PDE1C: variants seen among roughly 807,000 people sequenced by gnomAD.
PDE1C encodes the protein phosphodiesterase 1C, also known as dual specificity calcium/calmodulin-dependent 3',5'-cyclic nucleotide phosphodiesterase 1C.
A neutral mutation model predicts 93.1 loss-of-function variants in PDE1C; 62 were observed. The observed-to-expected ratio is 0.67, with a 90% CI of 0.54 to 0.82. PDE1C has a LOEUF of 0.82. PDE1C is among the 40% of genes least tolerant of loss of function. The pLI is 0.00. For synonymous variants in PDE1C, 325 were observed against 310.1 expected (o/e 1.05, Z -0.50); for missense variants, 742 against 884.6 (o/e 0.84, Z 2.04).
At chr7:32,321,683 T>C (rs1783293565) in intron 1 of PDE1C, among the ~76,000 whole-genome samples, 1 of 152,248 alleles carries the variant, frequency 6.6e-6, no homozygotes, top group Non-Finnish European at 1.5e-5. Flanking sequence ...TAACTTGAGA[T>C]GTAATCAGCT....
intron 2 of PDE1C, among the ~76,000 whole-genome samples, chr7:32,045,332 C>T (rs960467421): frequency 6.6e-6 from 1 of 152,086 alleles, no homozygotes; most frequent in African/African-American, 2.4e-5. Flanking sequence ...AACCAGACCA[C>T]TGTGGCTGCT....
At chr7:31,617,294 TG>T in the PDE1C span, among the ~76,000 whole-genome samples, 1 of 152,032 alleles carries the variant, frequency 6.6e-6, no homozygotes, top group East Asian at 1.9e-4. Flanking sequence ...TTAATATAAA[TG>T]GGTTTCTCAA....
At chr7:32,168,946 G>A (rs1174494680) in intron 3 of PDE1C, among the ~76,000 whole-genome samples, 5 of 152,162 alleles carry the variant, frequency 3.3e-5, no homozygotes, top group South Asian at 2.1e-4. Context: ...AGGTTTATAT[G>A]TTCTGCTAAC....
chr7:32,238,136 G>C (rs952056090), intron 1 of PDE1C, among the ~76,000 whole-genome samples: 8 of 152,070 alleles, frequency 5.3e-5, no homozygotes, highest in Non-Finnish European at 8.8e-5. Context: ...ATTAATAAGA[G>C]AGTTAAGCAA....
chr7:32,175,598 G>C (rs1802932960), intron 2 of PDE1C, among the ~76,000 whole-genome samples: 1 of 152,160 alleles, frequency 6.6e-6, no homozygotes, highest in African/African-American at 2.4e-5. Context: ...AAGAAGCTTT[G>C]AAGAGGCAGA....
intron 3 of PDE1C, among the ~76,000 whole-genome samples, chr7:32,132,890 T>C (rs1031186584): frequency 2.0e-5 from 3 of 152,242 alleles, no homozygotes; most frequent in Non-Finnish European, 2.9e-5. Flanking sequence ...GATGTGGGAT[T>C]TGTGATAAAA....
intron 2 of PDE1C, among the ~76,000 whole-genome samples, chr7:31,967,023 G>C (rs979946516): frequency 4.7e-4 from 72 of 152,028 alleles, no homozygotes; most frequent in Non-Finnish European, 8.7e-4. Flanking sequence ...ATCCAAAATT[G>C]ACACCCTAAC....
intron 17 of PDE1C, among the ~76,000 whole-genome samples, chr7:31,755,521 T>C (rs1055755777): frequency 3.3e-5 from 5 of 151,574 alleles, no homozygotes; most frequent in South Asian, 4.2e-4. Context: ...GGACACAAAA[T>C]ATACAAGAAG....
Position 31,939,020 on chromosome 7 carries a change from A to G in PDE1C, c.129-58160T>C, listed in dbSNP as rs185812661. Among the ~76,000 whole-genome samples, 726 of 152,306 alleles carry G rather than the reference A, an allele frequency of 4.8e-3. 3 individuals carry two copies. The highest frequency in any genetic ancestry group is 0.017 in the African/African-American group (700 of 41,566). On this transcript the variant is annotated intron_variant, in intron 2 of 17. Coordinates refer to ENST00000396191, the MANE Select transcript of PDE1C (RefSeq NM_001191057.4). ...CTAGGTATTGCACAGGACAATTCAGAAGCATAATCCAAGTCCTTCAGGAAG... is the reference window on the plus strand; with the variant it reads ...CTAGGTATTGCACAGGACAATTCAGGAGCATAATCCAAGTCCTTCAGGAAG...
rs375764871 is a variant in PDE1C, at chr7:32,313,302, G to A, written c.311-103763C>T. Among the ~76,000 whole-genome samples, 43 of 150,778 alleles carry A rather than the reference G, an allele frequency of 2.9e-4. No individual in the cohort carries two copies. The East Asian group carries it at 8.1e-3, about 29-fold the overall frequency. ...GAAATAGGAACACTTTTACACTGTT[G>A]GTGGGACTGTAAACTAGTTCAACCA... On this transcript the variant is annotated intron_variant, in intron 1 of 1. Coordinates refer to the PDE1C transcript ENST00000672256.
At chr7:31,684,811 A>G in the PDE1C span, among the ~76,000 whole-genome samples, 1 of 152,368 alleles carries the variant, frequency 6.6e-6, no homozygotes, top group East Asian at 1.9e-4. Flanking sequence ...CCCTTCGTAC[A>G]TTGCTGGTGG....
At chr7:32,363,302 T>G (rs1784171371) in intron 1 of PDE1C, among the ~76,000 whole-genome samples, 1 of 152,206 alleles carries the variant, frequency 6.6e-6, no homozygotes, top group Non-Finnish European at 1.5e-5. Context: ...AGCCCCATTT[T>G]CCAAATGAGG....
intron 2 of PDE1C, among the ~76,000 whole-genome samples, chr7:32,021,671 A>G (rs1788693696): frequency 6.6e-6 from 1 of 152,122 alleles, no homozygotes; most frequent in African/African-American, 2.4e-5. Flanking sequence ...TCAATACATT[A>G]TTTGAATTCC....
At chr7:31,946,834 C>A (rs920573376) in intron 2 of PDE1C, among the ~76,000 whole-genome samples, 1 of 152,196 alleles carries the variant, frequency 6.6e-6, no homozygotes, top group African/African-American at 2.4e-5. Context: ...GCTGCCCCAA[C>A]ATCTCTAAAG....
intron 2 of PDE1C, among the ~76,000 whole-genome samples, chr7:31,898,020 TTG>T (rs140101637): frequency 0.13 from 18,389 of 145,774 alleles, 1,147 homozygotes; most frequent in African/African-American, 0.15. Context: ...TTTGGTTTCT[TTG>T]TGTGTGTGTG....
chr7:31,620,331 CCTGAGCA>C, the PDE1C span, among the ~76,000 whole-genome samples: 2 of 151,988 alleles, frequency 1.3e-5, no homozygotes, highest in Non-Finnish European at 2.9e-5. Context: ...ACCCCTGACC[CCTGAGCA>C]GCCTAACTGG....
intron 3 of PDE1C, among the ~76,000 whole-genome samples, chr7:32,099,951 C>T (rs1797962742): frequency 6.6e-6 from 1 of 152,132 alleles, no homozygotes; most frequent in Non-Finnish European, 1.5e-5. Flanking sequence ...TTGTCAGCAT[C>T]ACCAACATAA....
At chr7:32,324,829 G>A (rs1783373754) in intron 1 of PDE1C, among the ~76,000 whole-genome samples, 2 of 152,110 alleles carry the variant, frequency 1.3e-5, no homozygotes, top group Non-Finnish European at 2.9e-5. Flanking sequence ...CATGCCTGTA[G>A]TCCCAGCTAC....
At chr7:32,224,614 G>C (rs915552897) in intron 1 of PDE1C, among the ~76,000 whole-genome samples, 2 of 152,002 alleles carry the variant, frequency 1.3e-5, no homozygotes, top group African/African-American at 4.8e-5. Flanking sequence ...ATTTGTTTAA[G>C]GTCTATTTGT....
Sources: allele counts gnomAD v4.1 joint callset (sites outside exome capture counted in the v4.1 genomes callset), GRCh38; gene constraint gnomAD v4.1.1; transcripts MANE v1.5; gene names NCBI Gene and HGNC (gene_info 2026-07-23, HGNC 2026-07-21).